The following EIF6 variants were observed in gnomAD, a reference collection of about 807,000 sequenced individuals.
The protein encoded by EIF6 is B4 integrin interactor.
Under a neutral mutation model 25.5 loss-of-function variants are expected in EIF6, and 10 were observed. The observed-to-expected ratio is 0.39, with a 90% confidence interval of 0.24 to 0.66. The LOEUF (loss-of-function observed/expected upper bound fraction) is 0.66, where lower values mean the gene tolerates loss of function less well. Ranked by LOEUF, EIF6 falls within the 30% of genes least tolerant of loss-of-function variation. The probability of loss-of-function intolerance (pLI) is 0.45; values close to 1 mark genes in which losing one functional copy is unlikely to be tolerated. For missense variants in EIF6, 246 were observed against 315.4 expected (o/e 0.78, Z 1.67); for synonymous variants, 122 against 122.6 (o/e 1.00, Z 0.03).
Position 35,279,032 on chromosome 20 carries a change from A to G in EIF6, c.*165T>C. The G allele has an allele frequency of 1.2e-6, 1 of 850,148 alleles. No individual in the cohort carries two copies. Among genetic ancestry groups the G allele is most frequent in the Non-Finnish European group, 1.9e-6 (1 of 523,950 alleles). The allele number at this position is 850,148 out of a possible 1,614,324, so 52.7% of individuals were successfully genotyped here. A position where few individuals can be genotyped will look rare whatever the true frequency, so the allele number is the denominator to read the frequency against. ...GAGCAGGTTTTTGCAGTAATGATAG[A>G]TCCAGGCGATAAGCACAGGTGGAAA... On this transcript the variant is annotated 3_prime_UTR_variant, in exon 7 of 7. Transcript: ENST00000374450.
chr20:35,284,320 G>A (rs1034431579), intron 2 of EIF6, 59 bp from the exon 3 acceptor site: 12 of 1,613,722 alleles, frequency 7.4e-6, no homozygotes, highest in Admixed American at 5.0e-5. Context: ...TCCCACTGCC[G>A]GAGCTCTTGA....
chr20:35,280,533 C>G, intron 4 of EIF6, 121 bp downstream of exon 4: 1 of 1,216,064 alleles, frequency 8.2e-7, no homozygotes, highest in Non-Finnish European at 1.1e-6. Flanking sequence ...ACCTGAAACT[C>G]AAGAGCCCAT....
At position 35,284,453 on chromosome 20, in the gene EIF6, TCA is replaced by T; in HGVS notation, c.33_34del (p.Cys11Ter). 1.9e-6 allele frequency: 3 copies of T among 1,611,710 alleles called. No individual in the cohort carries two copies. The highest frequency in any genetic ancestry group is 2.5e-6 in the Non-Finnish European group (3 of 1,178,034). ...GGTGAGCTTGGCAAAGCAGCCGATC[TCA>T]CAGTTGTTCTCGAACGAAGCTCGGA... On this transcript the variant is annotated stop_gained and frameshift_variant, in exon 2 of 7. Coordinates refer to ENST00000374450, the MANE Select transcript of EIF6 (RefSeq NM_002212.4). LOFTEE classifies it high-confidence loss of function.
In EIF6 at chr20:35,280,724, C is replaced by T. The variant is rs201479805; in HGVS notation, c.299G>A (p.Arg100Gln). 415 of 1,613,910 alleles carry T rather than the reference C, an allele frequency of 2.6e-4. 1 individual carries two copies. The highest frequency in any genetic ancestry group is 3.4e-4 in the Non-Finnish European group (404 of 1,179,916). The change falls in exon 4 of 7, where the codon CGG becomes CAG. Residue 100 changes from arginine (R) to glutamine (Q), a missense_variant. Arg to Gln is a conservative substitution (Grantham distance 43). Transcript: ENST00000374450. Reference sequence around the variant, plus strand: ...GGTGACATTGCCCAAGGCTGAGAGCCGCTCCTCCACCCGCCTAATCTGCAC... The same window carrying T: ...GGTGACATTGCCCAAGGCTGAGAGCTGCTCCTCCACCCGCCTAATCTGCAC... Reference protein sequence around the residue: ...DTVQIRRVEERLSALGNVTTC... With the variant: ...DTVQIRRVEEQLSALGNVTTC...
chr20:35,279,732 G>T lies in EIF6; in HGVS notation c.562C>A (p.Arg188=). 6.2e-7 allele frequency: 1 copy of T among 1,614,064 alleles called. No individual in the cohort carries two copies. Among genetic ancestry groups the T allele is most frequent in the Non-Finnish European group, 8.5e-7 (1 of 1,180,012 alleles). The part of the protein sequence containing the change: ...QVPLVAGTVN[R]GSEVIAAGMV... ...CCAGCAGCAATCACCTCACTGCCTC[G>T]GTTCACAGTCCCCGCCTGCCAAGGG... is the stretch of plus-strand genomic sequence containing the variant. Residue 188 remains arginine (R), a synonymous_variant, in exon 6 of 7, where the codon CGA becomes AGA. Transcript: ENST00000374450.
In EIF6 at chr20:35,284,164, C is replaced by T. The variant is rs764141000; in HGVS notation, c.193+12G>A. 1 of 1,576,318 alleles carries T rather than the reference C, an allele frequency of 6.3e-7. No individual in the cohort carries two copies. The highest frequency in any genetic ancestry group is 1.7e-5 in the Admixed American group (1 of 58,316). ...GACCACTCCCTCCCTCGGCGTCCTC[C>T]ACCTGCCTTACCCACACACATGCGC... On this transcript the variant is annotated intron_variant, in intron 3 of 6. Transcript: ENST00000374450.
intron 3 of EIF6, among the ~76,000 whole-genome samples, chr20:35,281,895 A>C (rs987266319): frequency 3.3e-5 from 5 of 152,174 alleles, no homozygotes; most frequent in Non-Finnish European, 7.3e-5. Context: ...CTAAATAGTC[A>C]CATAACCTGT....
At position 35,284,510 on chromosome 20, in the gene EIF6, G is replaced by A; in HGVS notation, c.-5-18C>T. On this transcript the variant is annotated intron_variant, in intron 1 of 6. Transcript: ENST00000374450. Reference sequence around the variant, plus strand: ...CATGAGGCCTAGGGGCGGCGGAGGCGGGAGTTCAAGGCCGGCGGATCCTTT... The same window carrying A: ...CATGAGGCCTAGGGGCGGCGGAGGCAGGAGTTCAAGGCCGGCGGATCCTTT... 1 of 1,579,104 alleles carries A rather than the reference G, an allele frequency of 6.3e-7. No homozygotes were observed. Among genetic ancestry groups the A allele is most frequent in the Non-Finnish European group, 8.6e-7 (1 of 1,156,270 alleles).
At chr20:35,280,879 C>T in intron 3 of EIF6, 50 bp from the exon 4 acceptor site, 1 of 1,595,612 alleles carries the variant, frequency 6.3e-7, no homozygotes, top group South Asian at 1.1e-5. Flanking sequence ...CTGCTGAGCC[C>T]TAGGGGCTGA....
Position 35,279,962 on chromosome 20 carries a change from G to A in EIF6, c.526C>T (p.Leu176Phe). 6.2e-7 allele frequency: 1 copy of A among 1,614,118 alleles called. No individual in the cohort carries two copies. The highest frequency in any genetic ancestry group is 1.1e-5 in the South Asian group (1 of 91,086). ...SIEDQDELSSLLQVPLVAGTV... is the reference protein window; with the variant it reads ...SIEDQDELSSFLQVPLVAGTV... ...CTTACCACAAGGGGGACTTGAAGAA[G>A]AGAGGACAGCTCATCCTGGTCTTCA... Residue 176 changes from leucine (L) to phenylalanine (F), a missense_variant, in exon 5 of 7, where the codon CTT becomes TTT. Leu to Phe is a conservative substitution (Grantham distance 22). Coordinates refer to ENST00000374450, the MANE Select transcript of EIF6 (RefSeq NM_002212.4).
At chr20:35,284,583 C>A in intron 1 of EIF6, 91 bp from the exon 2 acceptor site, 1 of 1,430,708 alleles carries the variant, frequency 7.0e-7, no homozygotes, top group African/African-American at 1.4e-5. Flanking sequence ...CGACCCCGCC[C>A]CTCTCGGCCT....
At chr20:35,279,440 C>T in intron 6 of EIF6, 126 bp downstream of exon 6, 2 of 1,350,396 alleles carry the variant, frequency 1.5e-6, no homozygotes, top group South Asian at 1.3e-5. Context: ...CAGATATGCT[C>T]TCACACTCGA....
At chr20:35,283,295 AATAAT>A (rs1356890657) in intron 3 of EIF6, among the ~76,000 whole-genome samples, 2 of 149,422 alleles carry the variant, frequency 1.3e-5, no homozygotes, top group Non-Finnish European at 1.5e-5. Context: ...CTCAAAAAAA[AATAAT>A]AATAATAATA....
chr20:35,282,975 G>A (rs1464861373), intron 3 of EIF6, among the ~76,000 whole-genome samples: 2 of 152,182 alleles, frequency 1.3e-5, no homozygotes, highest in Non-Finnish European at 2.9e-5. Flanking sequence ...ATGGGCAGCA[G>A]TAATGGAAGA....
In EIF6 at chr20:35,284,417, C is replaced by G; in HGVS notation, c.71G>C (p.Cys24Ser). ...CTCTGAGCCTCCGATCGCTACCAGACAGTAGGTGTTGGTGAGCTTGGCAAA... is the reference window on the plus strand; with the variant it reads ...CTCTGAGCCTCCGATCGCTACCAGAGAGTAGGTGTTGGTGAGCTTGGCAAA... ...GCFAKLTNTY[C>S]LVAIGGSENF... Residue 24 changes from cysteine to serine, a missense_variant, in exon 2 of 7, where the codon TGT (cysteine) becomes TCT (serine). Cys to Ser is a moderately radical substitution (Grantham distance 112). Coordinates refer to ENST00000374450, the MANE Select transcript of EIF6 (RefSeq NM_002212.4). 1 of 1,614,022 alleles carries G rather than the reference C, an allele frequency of 6.2e-7. No individual in the cohort carries two copies. Among genetic ancestry groups the G allele is most frequent in the Non-Finnish European group, 8.5e-7 (1 of 1,179,990 alleles).
At chr20:35,279,362 G>A (rs1292767928) in intron 6 of EIF6, among the ~76,000 whole-genome samples, 156 bp from the exon 7 acceptor site, 1 of 152,204 alleles carries the variant, frequency 6.6e-6, no homozygotes. Context: ...AAACCACAAA[G>A]ATGAGGATTA....
At chr20:35,281,073 T>A (rs1328161275) in intron 3 of EIF6, among the ~76,000 whole-genome samples, 2 of 152,188 alleles carry the variant, frequency 1.3e-5, no homozygotes, top group Non-Finnish European at 2.9e-5. Flanking sequence ...GCATTAGCTG[T>A]ATATTTTGCT....
At chr20:35,280,625 G>A (rs1467961184) in intron 4 of EIF6, 29 bp downstream of exon 4, 1 of 1,609,242 alleles carries the variant, frequency 6.2e-7, no homozygotes. Flanking sequence ...ATGGCCCTGT[G>A]ACTCTTGGGT....
In EIF6 at chr20:35,279,988, A is replaced by G. The variant is rs760487812; in HGVS notation, c.500T>C (p.Ile167Thr). The G allele has an allele frequency of 7.4e-5, 120 of 1,614,102 alleles. No homozygotes were observed. The highest frequency in any genetic ancestry group is 9.6e-5 in the Non-Finnish European group (113 of 1,180,038). Residue 167 changes from isoleucine (I) to threonine (T), a missense_variant, in exon 5 of 7, where the codon ATT becomes ACT. Transcript: ENST00000374450. The part of the protein sequence containing the change: ...QGGLVHPKTS[I>T]EDQDELSSLL... Reference sequence around the variant, plus strand: ...AGAGGACAGCTCATCCTGGTCTTCAATTGAAGTCTTGGGATGCACCAGCCC... The same window carrying G: ...AGAGGACAGCTCATCCTGGTCTTCAGTTGAAGTCTTGGGATGCACCAGCCC...
Sources: gnomAD v4.1 joint callset for allele counts (sites outside exome capture counted in the v4.1 genomes callset) on GRCh38, gnomAD v4.1.1 for gene constraint, MANE v1.5 for transcripts, NCBI Gene and HGNC (gene_info 2026-07-23, HGNC 2026-07-21) for gene names.